Variants in COQ2 observed in about 807,000 individuals in gnomAD.
COQ2 encodes the protein coenzyme Q2, polyprenyltransferase.
In COQ2, 25 loss-of-function variants were observed where a neutral mutation model predicts 35.7. The ratio of observed to expected loss-of-function variants is 0.70; its 90% CI spans 0.51 to 0.98. The LOEUF (loss-of-function observed/expected upper bound fraction) is 0.98. Among genes scored for constraint, COQ2 ranks in the 50% least tolerant of loss-of-function variants. The pLI, the probability that COQ2 is intolerant of heterozygous loss-of-function variation, is 0.00. For synonymous variants in COQ2, 206 were observed against 186.2 expected (o/e 1.11, Z -0.86); for missense variants, 488 against 473.5 (o/e 1.03, Z -0.28).
chr4:83,284,390 A>G, intron 1 of COQ2, 122 bp downstream of exon 1: 1 of 1,417,262 alleles, frequency 7.1e-7, no homozygotes, highest in Non-Finnish European at 9.2e-7. Context: ...CCGGCAGCCA[A>G]GCCCAAGCTT....
At chr4:83,270,127 T>C in intron 4 of COQ2, 134 bp from the exon 5 acceptor site, 1 of 928,984 alleles carries the variant, frequency 1.1e-6, no homozygotes, top group Non-Finnish European at 1.6e-6. Context: ...GTGGGTTCCT[T>C]CCTTAAACCC....
In COQ2 at chr4:83,273,588, G is replaced by A. The variant is rs376948148; in HGVS notation, c.450C>T (p.Ala150=). The part of the protein sequence containing the change: ...KVTRTANRPI[A]AGDISTFQSF... ...ACTGAAAAGTTGAAATGTCTCCAGC[G>A]GCTATTGGACGATTGGCTGTTCTTG... Residue 150 remains alanine, a synonymous_variant, in exon 3 of 7, where the codon GCC becomes GCT. Transcript: ENST00000647002. The A allele has an allele frequency of 7.7e-5, 124 of 1,613,414 alleles. No individual in the cohort carries two copies. The African/African-American group carries it at 9.5e-4, about 12-fold the overall frequency.
intron 1 of COQ2, 55 bp downstream of exon 1, chr4:83,284,457 C>A: frequency 1.3e-6 from 2 of 1,514,380 alleles, no homozygotes; most frequent in African/African-American, 1.4e-5. Flanking sequence ...TCCGCGGAGC[C>A]GACTCGGAGG....
At chr4:83,265,407 T>TA (rs1734894172) in intron 6 of COQ2, among the ~76,000 whole-genome samples, 1 of 151,906 alleles carries the variant, frequency 6.6e-6, no homozygotes, top group African/African-American at 2.4e-5. Flanking sequence ...CCGTCTCTAC[T>TA]AAAAAAATAC....
intron 1 of COQ2, 33 bp from the exon 2 acceptor site, chr4:83,279,147 A>G: frequency 6.6e-7 from 1 of 1,512,970 alleles, no homozygotes; most frequent in African/African-American, 1.4e-5. Flanking sequence ...AAAAGGTACA[A>G]ATTTAAGTCA....
chr4:83,279,860 CTTTT>C (rs11420227), intron 1 of COQ2, among the ~76,000 whole-genome samples: 1 of 130,174 alleles, frequency 7.7e-6, no homozygotes. Context: ...ACGGTCTAGT[CTTTT>C]TTTTTTTTTT....
intron 1 of COQ2, chr4:83,282,695 G>A (rs1293411930): frequency 5.5e-6 from 1 of 181,330 alleles, no homozygotes; most frequent in Non-Finnish European, 1.1e-5. Flanking sequence ...ATGAATTTTC[G>A]TGACCTCATA....
At chr4:83,283,180 C>A in intron 1 of COQ2, 4 of 646,542 alleles carry the variant, frequency 6.2e-6, no homozygotes, top group Non-Finnish European at 7.7e-6. Context: ...CCAAATAGGT[C>A]GTGCATAAAT....
At chr4:83,283,672 A>C (rs919320008) in intron 1 of COQ2, 24 of 985,436 alleles carry the variant, frequency 2.4e-5, no homozygotes, top group Non-Finnish European at 2.9e-5. Context: ...CCTTGAAAGC[A>C]AAGGGTTTCC....
chr4:83,281,553 T>C (rs575707158), intron 1 of COQ2: 1 of 152,342 alleles, frequency 6.6e-6, no homozygotes, highest in African/African-American at 2.4e-5. Flanking sequence ...GACAGTAAAG[T>C]ATCTTAAGGC....
intron 1 of COQ2, among the ~76,000 whole-genome samples, chr4:83,282,021 G>C (rs1735337396): frequency 6.6e-6 from 1 of 151,266 alleles, no homozygotes; most frequent in Non-Finnish European, 1.5e-5. Flanking sequence ...TGTGAAGAAA[G>C]ACGCAGAGGT....
rs1735401124 is a variant in COQ2 at position 83,284,427 on chromosome 4, G to A, written c.253+85C>T. 11 of 1,459,070 alleles carry A rather than the reference G, an allele frequency of 7.5e-6. No individual in the cohort carries two copies. In the South Asian group the frequency reaches 9.5e-5, roughly 13 times the overall value. The allele number at this position is 1,459,070 out of a possible 1,614,324, so 90.4% of individuals were successfully genotyped here. ...CAGGTTCTCATTTCCATCACGCCCC[G>A]GCCGGCCGCCGCGGACAGCTCCGCG... is the stretch of plus-strand genomic sequence containing the variant. On this transcript the variant is annotated intron_variant, in intron 1 of 6. Coordinates refer to ENST00000647002, the MANE Select transcript of COQ2 (RefSeq NM_001358921.2).
chr4:83,284,380 C>T, intron 1 of COQ2, 132 bp downstream of exon 1: 1 of 1,412,192 alleles, frequency 7.1e-7, no homozygotes, highest in Non-Finnish European at 9.2e-7. Flanking sequence ...CGCACGGCAC[C>T]CGGCAGCCAA....
rs530630325 is a variant in COQ2 at position 83,273,389 on chromosome 4, A to G, written c.542+107T>C. The G allele has an allele frequency of 2.5e-6, 3 of 1,178,484 alleles. No homozygotes were observed. The African/African-American group carries it at 4.7e-5, about 18-fold the overall frequency. The allele number at this position is 1,178,484 out of a possible 1,614,324, so 73.0% of individuals were successfully genotyped here. A position where few individuals can be genotyped will look rare whatever the true frequency, so the allele number is the denominator to read the frequency against. On this transcript the variant is annotated intron_variant, in intron 3 of 6. Transcript: ENST00000647002. Reference sequence around the variant, plus strand: ...ACACTTGCTAACTTACAGATGCTTAATAAGTAGCAAATGAACAACTTTGTG... The same window carrying G: ...ACACTTGCTAACTTACAGATGCTTAGTAAGTAGCAAATGAACAACTTTGTG...
chr4:83,267,093 G>A, intron 6 of COQ2: 1 of 445,944 alleles, frequency 2.2e-6, no homozygotes, highest in South Asian at 1.6e-5. Flanking sequence ...AATATACCTT[G>A]GCTGGGGTTG....
chr4:83,270,014 A>T, intron 4 of COQ2, 21 bp from the exon 5 acceptor site: 1 of 1,612,766 alleles, frequency 6.2e-7, no homozygotes, highest in Non-Finnish European at 8.5e-7. Flanking sequence ...CAAAACACAA[A>T]AAGGGGGAAA....
intron 2 of COQ2, among the ~76,000 whole-genome samples, chr4:83,274,049 G>C (rs1194002728): frequency 2.0e-5 from 3 of 151,704 alleles, no homozygotes; most frequent in Non-Finnish European, 2.9e-5. Context: ...CCAGCTATTG[G>C]GGAGGCTGAG....
chr4:83,272,157 T>A lies in COQ2; in HGVS notation c.558A>T (p.Ala186=). 6.2e-7 allele frequency: 1 copy of A among 1,609,586 alleles called. No homozygotes were observed. The highest frequency in any genetic ancestry group is 8.5e-7 in the Non-Finnish European group (1 of 1,177,548). The change falls in exon 4 of 7, where the codon GCA becomes GCT. Residue 186 remains alanine (A), a synonymous_variant. Coordinates refer to ENST00000647002, the MANE Select transcript of COQ2 (RefSeq NM_001358921.2). ...CLNYYSIALG[A]GSLLLVITYP... ...AGGTGATGACAAGAAGTAAGGATCC[T>A]GCTCCCAGAGCTATACTGAAAAGAG...
At chr4:83,272,857 C>T (rs1014256565) in intron 3 of COQ2, among the ~76,000 whole-genome samples, 1 of 152,162 alleles carries the variant, frequency 6.6e-6, no homozygotes, top group African/African-American at 2.4e-5. Context: ...AACACTACCC[C>T]TTCCAGAAAT....
Sources: gnomAD v4.1 joint callset for allele counts (sites outside exome capture counted in the v4.1 genomes callset) on GRCh38, gnomAD v4.1.1 for gene constraint, MANE v1.5 for transcripts, NCBI Gene and HGNC (gene_info 2026-07-23, HGNC 2026-07-21) for gene names.